Variants in PSD3 observed in about 807,000 individuals in gnomAD.
PSD3 encodes the protein PH and SEC7 domain-containing protein 3.
A neutral mutation model predicts 105.5 loss-of-function variants in PSD3; 49 were observed. The observed-to-expected ratio is 0.46, with a 90% CI of 0.37 to 0.59. The LOEUF is 0.59. Among genes scored for constraint, PSD3 ranks in the 20% least tolerant of loss-of-function variants. PSD3 has a pLI of 0.00. For synonymous variants in PSD3, 557 were observed against 457.8 expected (o/e 1.22, Z -2.77); for missense variants, 1,561 against 1,263.8 (o/e 1.24, Z -3.57).
chr8:18,659,188 C>A (rs1217399788), intron 9 of PSD3, among the ~76,000 whole-genome samples: 1 of 152,104 alleles, frequency 6.6e-6, no homozygotes, highest in Admixed American at 6.5e-5. Flanking sequence ...AACTTCGCAG[C>A]CTCCCCTATT....
intron 10 of PSD3, among the ~76,000 whole-genome samples, chr8:18,641,865 G>A (rs968697679): frequency 2.1e-5 from 3 of 144,196 alleles, no homozygotes; most frequent in African/African-American, 7.5e-5. Flanking sequence ...ATTATACCAC[G>A]AGGCAGGATG....
chr8:18,812,867 G>A (rs1348495136), intron 4 of PSD3, among the ~76,000 whole-genome samples: 2 of 152,110 alleles, frequency 1.3e-5, no homozygotes, highest in Non-Finnish European at 2.9e-5. Context: ...CTGATGCACT[G>A]TCAGAGCTTT....
intron 14 of PSD3, among the ~76,000 whole-genome samples, chr8:18,561,218 G>C (rs961214116): frequency 1.3e-5 from 2 of 152,196 alleles, no homozygotes; most frequent in African/African-American, 2.4e-5. Flanking sequence ...CTAAGATCTA[G>C]AAGAGATCTA....
chr8:19,029,360 A>G (rs1827677216), intron 1 of PSD3, among the ~76,000 whole-genome samples: 1 of 152,170 alleles, frequency 6.6e-6, no homozygotes, highest in South Asian at 2.1e-4. Context: ...AGTGTATAGT[A>G]CTTGCACATT....
At chr8:18,567,341 C>T (rs751499491) in intron 14 of PSD3, among the ~76,000 whole-genome samples, 12 of 151,852 alleles carry the variant, frequency 7.9e-5, no homozygotes, top group East Asian at 5.8e-4. Context: ...ACCTTTTATG[C>T]GACATGCTCT....
intron 9 of PSD3, among the ~76,000 whole-genome samples, chr8:18,752,517 G>A (rs187983681): frequency 0.027 from 1,355 of 50,276 alleles, 24 homozygotes; most frequent in East Asian, 0.11. Flanking sequence ...TATAATATAT[G>A]TAATATATAT....
At chr8:18,748,660 C>CA (rs760372508) in intron 9 of PSD3, among the ~76,000 whole-genome samples, 2,931 of 53,454 alleles carry the variant, frequency 0.055, 66 homozygotes, top group African/African-American at 0.074. Context: ...ACTCCGTCTC[C>CA]AAAAAAAAAA....
chr8:18,783,315 C>T (rs755579549), intron 8 of PSD3, among the ~76,000 whole-genome samples: 1 of 152,194 alleles, frequency 6.6e-6, no homozygotes, highest in African/African-American at 2.4e-5. Context: ...GTAATGCCCT[C>T]TTCATTACTG....
intron 12 of PSD3, among the ~76,000 whole-genome samples, chr8:18,594,397 T>C (rs545102632): frequency 9.4e-5 from 11 of 117,130 alleles, no homozygotes; most frequent in African/African-American, 3.9e-4. Flanking sequence ...ATATATAATA[T>C]ATTATATAAT....
intron 2 of PSD3, among the ~76,000 whole-genome samples, chr8:18,886,255 A>C (rs910902634): frequency 2.0e-5 from 3 of 152,176 alleles, no homozygotes; most frequent in Non-Finnish European, 4.4e-5. Flanking sequence ...TCTATATAAA[A>C]ATAAAAATTT....
In PSD3 at chr8:18,716,111, T is replaced by C. The variant is rs150633513; in HGVS notation, c.2172+49338A>G. On this transcript the variant is annotated intron_variant, in intron 9 of 15. Coordinates refer to ENST00000327040, the MANE Select transcript of PSD3 (RefSeq NM_015310.4). ...GCCCAATTGTTGGTCAGGCCATGAG[T>C]GCAGAGAACAAAATCTAGTTAGCTA... Among the ~76,000 whole-genome samples, 37 of 152,258 alleles carry C rather than the reference T, an allele frequency of 2.4e-4. No homozygotes were observed. The East Asian group carries it at 7.1e-3, about 29-fold the overall frequency.
chr8:19,016,675 G>T (rs1233902524), upstream of PSD3, among the ~76,000 whole-genome samples: 1 of 152,152 alleles, frequency 6.6e-6, no homozygotes, highest in Non-Finnish European at 1.5e-5. Context: ...TGCTATAAGA[G>T]AATACCACAG....
At chr8:18,604,015 G>C (rs536229620) in intron 11 of PSD3, among the ~76,000 whole-genome samples, 1 of 152,250 alleles carries the variant, frequency 6.6e-6, no homozygotes, top group South Asian at 2.1e-4. Flanking sequence ...GACCAATACA[G>C]AAAATTGGTA....
Position 18,529,532 on chromosome 8 carries a change from A to G in PSD3, c.*6211T>C, listed in dbSNP as rs1276208367. ...GAATCTCAGGAGGAGAGGACTAACC[A>G]CATGCATGGTTACCCTAAATGGAAA... On this transcript the variant is annotated 3_prime_UTR_variant, in exon 16 of 16. Coordinates refer to ENST00000327040, the MANE Select transcript of PSD3 (RefSeq NM_015310.4). 1 of 152,580 alleles carries G rather than the reference A, an allele frequency of 6.6e-6. No individual in the cohort carries two copies. Among genetic ancestry groups the G allele is most frequent in the African/African-American group, 2.4e-5 (1 of 41,428 alleles). The allele number at this position is 152,580 out of a possible 1,614,324, so 9.5% of individuals were successfully genotyped here.
intron 9 of PSD3, among the ~76,000 whole-genome samples, chr8:18,714,941 T>C (rs1217941813): frequency 6.6e-6 from 1 of 152,196 alleles, no homozygotes; most frequent in East Asian, 1.9e-4. Context: ...CATAGAATAC[T>C]ATGCAGCCAT....
chr8:18,862,825 A>T (rs1039547921), intron 4 of PSD3, among the ~76,000 whole-genome samples: 1 of 151,952 alleles, frequency 6.6e-6, no homozygotes, highest in African/African-American at 2.4e-5. Flanking sequence ...AAAACTGAGG[A>T]AGAAAGAGAA....
At chr8:18,862,071 G>T (rs1330892177) in intron 4 of PSD3, among the ~76,000 whole-genome samples, 1 of 152,116 alleles carries the variant, frequency 6.6e-6, no homozygotes, top group Non-Finnish European at 1.5e-5. Context: ...CTTTTCTTTG[G>T]GTTACTACTG....
rs71545538 is a variant in PSD3 at position 18,991,373 on chromosome 8, TAC to T, written c.21+22188_21+22189del. 3.0e-3 allele frequency among the ~76,000 whole-genome samples: 299 copies of T among 100,070 alleles called. 1 individual carries two copies. The highest frequency in any genetic ancestry group is 7.9e-3 in the African/African-American group (214 of 26,962). The allele number at this position is 100,070 out of a possible 152,430, so 65.6% of individuals were successfully genotyped here. ...ACACATACACACACACACACACACA[TAC>T]ACACACACACACACACACACACACA... On this transcript the variant is annotated intron_variant, in intron 1 of 15. Transcript: ENST00000327040.
chr8:18,587,889 T>C (rs1803310300), intron 12 of PSD3, among the ~76,000 whole-genome samples: 1 of 152,096 alleles, frequency 6.6e-6, no homozygotes, highest in Non-Finnish European at 1.5e-5. Flanking sequence ...CACCTTGTAA[T>C]CATATAATTT....
Sources: gnomAD v4.1 joint callset for allele counts (sites outside exome capture counted in the v4.1 genomes callset) on GRCh38, gnomAD v4.1.1 for gene constraint, MANE v1.5 for transcripts, NCBI Gene and HGNC (gene_info 2026-07-23, HGNC 2026-07-21) for gene names.